SSBP3: variants seen among roughly 807,000 people sequenced by gnomAD.
SSBP3 encodes the protein single-stranded DNA-binding protein 3.
A neutral mutation model predicts 69.6 loss-of-function variants in SSBP3; 5 were observed. That is an observed-to-expected ratio of 0.07 (90% confidence interval 0.04 to 0.15). The LOEUF is 0.15. Ranked by LOEUF, SSBP3 falls within the 10% of genes least tolerant of loss-of-function variation. The pLI is 1.00. For missense variants in SSBP3, 312 were observed against 534.0 expected (o/e 0.58, Z 4.10); for synonymous variants, 196 against 193.4 (o/e 1.01, Z -0.11).
chr1:54,285,758 C>A (rs1004517340), intron 4 of SSBP3, among the ~76,000 whole-genome samples: 2 of 152,128 alleles, frequency 1.3e-5, no homozygotes, highest in Non-Finnish European at 2.9e-5. Context: ...CCCTGAAAAC[C>A]CCCATTATTC....
rs549945400 is a variant in SSBP3, at chr1:54,379,397, C to T, written c.276+22464G>A. 4.6e-5 allele frequency among the ~76,000 whole-genome samples: 7 copies of T among 152,278 alleles called. No homozygotes were observed. The South Asian group carries it at 1.2e-3, about 27-fold the overall frequency. On this transcript the variant is annotated intron_variant, in intron 4 of 17. Transcript: ENST00000610401. ...TGAGTGGCCAGCACCAGGACGGGGA[C>T]GTCTGCAATAAACATGGCAAAATCT...
chr1:54,408,538 C>CACTG (rs1649910666), upstream of SSBP3, among the ~76,000 whole-genome samples: 1 of 152,168 alleles, frequency 6.6e-6, no homozygotes, highest in Admixed American at 6.5e-5. Flanking sequence ...AAAAGGAAGA[C>CACTG]ACTGCCCTTC....
At chr1:54,296,703 G>T (rs967517407) in intron 4 of SSBP3, among the ~76,000 whole-genome samples, 1 of 152,170 alleles carries the variant, frequency 6.6e-6, no homozygotes, top group South Asian at 2.1e-4. Flanking sequence ...GCATCCCCTG[G>T]AACAGTGCCT....
intron 9 of SSBP3, among the ~76,000 whole-genome samples, chr1:54,247,159 C>T (rs1644748878): frequency 1.3e-5 from 2 of 152,214 alleles, no homozygotes; most frequent in African/African-American, 4.8e-5. Context: ...AGCCTGGAGG[C>T]GGTGGCTGCT....
chr1:54,244,432 A>C (rs1644699141), intron 9 of SSBP3, among the ~76,000 whole-genome samples: 1 of 151,260 alleles, frequency 6.6e-6, no homozygotes, highest in South Asian at 2.1e-4. Flanking sequence ...TTTTTTGTAG[A>C]GATGGGGTCT....
At chr1:54,399,957 C>A (rs1458775487) in intron 4 of SSBP3, among the ~76,000 whole-genome samples, 3 of 150,428 alleles carry the variant, frequency 2.0e-5, no homozygotes, top group Non-Finnish European at 4.4e-5. Flanking sequence ...GAGCCCAATT[C>A]AAAAAAAAAG....
intron 4 of SSBP3, among the ~76,000 whole-genome samples, chr1:54,334,351 CAATA>C (rs35538469): frequency 2.0e-5 from 3 of 150,412 alleles, no homozygotes; most frequent in East Asian, 4.0e-4. Flanking sequence ...GACTCCCTCT[CAATA>C]AATAAATAAA....
intron 4 of SSBP3, among the ~76,000 whole-genome samples, chr1:54,349,428 T>C (rs1380365949): frequency 6.6e-6 from 1 of 152,204 alleles, no homozygotes; most frequent in Non-Finnish European, 1.5e-5. Flanking sequence ...ATATCAAAAC[T>C]GCATGATACA....
intron 4 of SSBP3, among the ~76,000 whole-genome samples, chr1:54,284,735 C>T (rs1001451461): frequency 2.0e-5 from 3 of 152,066 alleles, no homozygotes; most frequent in Admixed American, 2.0e-4. Context: ...CCCAAAAGTG[C>T]TAGCATTACA....
intron 14 of SSBP3, among the ~76,000 whole-genome samples, chr1:54,233,623 C>T (rs1437869739): frequency 6.8e-6 from 1 of 147,374 alleles, no homozygotes; most frequent in Non-Finnish European, 1.5e-5. Flanking sequence ...GCCGCCCCGT[C>T]CGGGAGGTGA....
At chr1:54,405,587 G>A (rs1279246841) in intron 1 of SSBP3, 1 of 153,080 alleles carries the variant, frequency 6.5e-6, no homozygotes, top group Non-Finnish European at 1.5e-5. Context: ...GCACCCGGTG[G>A]GCAAAGTGCG....
rs190744259 is a variant in SSBP3, at chr1:54,338,502, C to A, written c.277-56975G>T. The stretch of plus-strand genomic sequence containing the variant: ...CGACCCCTAACCCCACTTTCTCCAC[C>A]CGCTAGAAGCATTCTGAAGAGAATG... On this transcript the variant is annotated intron_variant, in intron 4 of 17. Coordinates refer to ENST00000610401, the Ensembl canonical transcript of SSBP3. Among the ~76,000 whole-genome samples the A allele has an allele frequency of 2.6e-4, 40 of 152,318 alleles. No individual in the cohort carries two copies. In the East Asian group the frequency reaches 6.0e-3, roughly 23 times the overall value.
intron 4 of SSBP3, among the ~76,000 whole-genome samples, chr1:54,295,793 C>T (rs937048753): frequency 3.9e-5 from 6 of 152,196 alleles, no homozygotes; most frequent in Non-Finnish European, 8.8e-5. Context: ...ACATGCCCTT[C>T]TCCCCTCCAT....
At chr1:54,309,905 T>C (rs1206344654) in intron 4 of SSBP3, among the ~76,000 whole-genome samples, 2 of 152,300 alleles carry the variant, frequency 1.3e-5, no homozygotes, top group East Asian at 1.9e-4. Context: ...CTGTCCTCTA[T>C]TAAAATGCTC....
chr1:54,249,693 T>A (rs1381713693), intron 9 of SSBP3, among the ~76,000 whole-genome samples: 1 of 134,462 alleles, frequency 7.4e-6, no homozygotes, highest in Non-Finnish European at 1.6e-5. Context: ...ACAATAAAAC[T>A]TTTTTTATTT....
chr1:54,384,481 G>T (rs142467249), intron 4 of SSBP3, among the ~76,000 whole-genome samples: 1 of 152,188 alleles, frequency 6.6e-6, no homozygotes, highest in Non-Finnish European at 1.5e-5. Context: ...CAAGCGTCAG[G>T]GCCTCAGTTT....
At chr1:54,335,349 G>A (rs905678991) in intron 4 of SSBP3, among the ~76,000 whole-genome samples, 2 of 152,134 alleles carry the variant, frequency 1.3e-5, no homozygotes, top group African/African-American at 4.8e-5. Flanking sequence ...TCTAGGATGG[G>A]GACTGAGAAA....
At chr1:54,383,390 A>G (rs1297530473) in intron 4 of SSBP3, among the ~76,000 whole-genome samples, 1 of 152,154 alleles carries the variant, frequency 6.6e-6, no homozygotes, top group Non-Finnish European at 1.5e-5. Flanking sequence ...AAAGGAAAAA[A>G]AAAAAGAAAG....
intron 4 of SSBP3, among the ~76,000 whole-genome samples, chr1:54,353,411 T>C (rs1646814166): frequency 6.6e-6 from 1 of 152,192 alleles, no homozygotes; most frequent in South Asian, 2.1e-4. Context: ...CCCTGTGACT[T>C]ACACACATGT....
Sources: gnomAD v4.1 joint callset for allele counts (sites outside exome capture counted in the v4.1 genomes callset) on GRCh38, gnomAD v4.1.1 for gene constraint, MANE v1.5 for transcripts, NCBI Gene and HGNC (gene_info 2026-07-23, HGNC 2026-07-21) for gene names.